CNNM2: variants seen among roughly 807,000 people sequenced by gnomAD.
CNNM2 encodes the protein cyclin and CBS domain divalent metal cation transport mediator 2.
A neutral mutation model predicts 66.9 loss-of-function variants in CNNM2; 12 were observed. The ratio of observed to expected loss-of-function variants is 0.18; its 90% CI spans 0.11 to 0.29. The LOEUF (loss-of-function observed/expected upper bound fraction) is 0.29, where lower values mean the gene tolerates loss of function less well. CNNM2 is among the 10% of genes least tolerant of loss of function. CNNM2 has a pLI of 1.00. For missense variants in CNNM2, 705 were observed against 1,167.7 expected (o/e 0.60, Z 5.77); for synonymous variants, 557 against 501.8 (o/e 1.11, Z -1.47).
At chr10:102,956,300 A>AAAAAAAAAGTCAG (rs1554891925) in intron 1 of CNNM2, among the ~76,000 whole-genome samples, 15 of 151,418 alleles carry the variant, frequency 9.9e-5, no homozygotes, top group Non-Finnish European at 2.1e-4. Context: ...AAAAAAAAAA[A>AAAAAAAAAGTCAG]AAAAAAAAGT....
At chr10:102,927,209 C>A (rs555861833) in intron 1 of CNNM2, 2 of 1,110,924 alleles carry the variant, frequency 1.8e-6, no homozygotes, top group East Asian at 5.1e-5. Context: ...ATGTTATTGA[C>A]AGTAAACTTT....
rs2065305199 is a variant in CNNM2 at position 103,056,945 on chromosome 10, A to T, written c.2054A>T (p.Tyr685Phe). ...YLYQRNKPVD[Y>F]FVLILQGKVE... is the part of the protein sequence containing the mutation. ...TACCAGCGCAACAAGCCAGTAGACT[A>T]CTTCGTTCTCATTCTGCAGGTCAGA... The change falls in exon 4 of 8, where the codon TAC (tyrosine) becomes TTC (phenylalanine). Residue 685 changes from tyrosine to phenylalanine, a missense_variant. Tyr to Phe is a conservative substitution (Grantham distance 22, BLOSUM62 3). Around this residue, in one of 9 missense-constraint regions of CNNM2, gnomAD observed 171 missense variants for 304.8 expected, o/e 0.56. Transcript: ENST00000369878. 1 of 1,611,218 alleles carries T rather than the reference A, an allele frequency of 6.2e-7. No homozygotes were observed. The highest frequency in any genetic ancestry group is 1.3e-5 in the African/African-American group (1 of 74,720).
In CNNM2 at chr10:103,079,335, G is replaced by A. The variant is rs1015550523; in HGVS notation, c.*2155G>A. ...GTGCTGGCCTTCCCTGAGCTGTGGGGAGCCAAGCCTGCCTAGCCCAGCTTC... is the reference window on the plus strand; with the variant it reads ...GTGCTGGCCTTCCCTGAGCTGTGGGAAGCCAAGCCTGCCTAGCCCAGCTTC... On this transcript the variant is annotated 3_prime_UTR_variant, in exon 8 of 8. Transcript: ENST00000369878. The A allele has an allele frequency of 1.3e-5, 2 of 152,310 alleles. No individual in the cohort carries two copies. Among genetic ancestry groups the A allele is most frequent in the African/African-American group, 4.8e-5 (2 of 41,448 alleles). The allele number at this position is 152,310 out of a possible 1,614,324, so 9.4% of individuals were successfully genotyped here.
chr10:103,034,316 G>GT lies in CNNM2; in HGVS notation c.1622-15379dup, dbSNP rs36150058. On this transcript the variant is annotated intron_variant, in intron 1 of 7. Transcript: ENST00000369878. ...AAAGGGGTTAAGGTCTGTCTTTCTT[G>GT]TTTTTTTTTTTTGGTTTTAAAAACA... 3.8e-3 allele frequency among the ~76,000 whole-genome samples: 546 copies of GT among 141,890 alleles called. 5 individuals carry two copies. Among genetic ancestry groups the GT allele is most frequent in the Middle Eastern group, 7.5e-3 (2 of 266 alleles). 93.1% of individuals were successfully genotyped at this position (141,890 alleles called of 152,430 possible). A position where few individuals can be genotyped will look rare whatever the true frequency, so the allele number is the denominator to read the frequency against.
At chr10:103,005,994 T>A (rs2064219056) in intron 1 of CNNM2, among the ~76,000 whole-genome samples, 1 of 152,074 alleles carries the variant, frequency 6.6e-6, no homozygotes, top group Non-Finnish European at 1.5e-5. Context: ...TTCTCTTGGA[T>A]TTTCTTTGTG....
At chr10:102,940,699 T>C (rs1159636815) in intron 1 of CNNM2, among the ~76,000 whole-genome samples, 1 of 150,828 alleles carries the variant, frequency 6.6e-6, no homozygotes, top group African/African-American at 2.4e-5. Flanking sequence ...ATTACAGGTG[T>C]GAGCCACCGC....
At chr10:102,965,934 A>G (rs1351567424) in intron 1 of CNNM2, among the ~76,000 whole-genome samples, 9 of 152,162 alleles carry the variant, frequency 5.9e-5, no homozygotes, top group Admixed American at 5.9e-4. Flanking sequence ...AGGGGAAAAA[A>G]AAAATAGGGT....
chr10:103,057,092 AT>A (rs1468689777), intron 4 of CNNM2, 128 bp downstream of exon 4: 3 of 829,326 alleles, frequency 3.6e-6, no homozygotes, highest in Non-Finnish European at 5.7e-6. Flanking sequence ...ACATGGGAGA[AT>A]TTTATCTTCC....
chr10:103,049,093 G>A (rs144412290), intron 1 of CNNM2, among the ~76,000 whole-genome samples: 2 of 152,058 alleles, frequency 1.3e-5, no homozygotes, highest in African/African-American at 4.8e-5. Context: ...TGGTCTTCCC[G>A]CCCGGGCCTC....
intron 1 of CNNM2, among the ~76,000 whole-genome samples, chr10:103,007,932 G>A (rs962526566): frequency 1.3e-5 from 2 of 152,216 alleles, no homozygotes; most frequent in Admixed American, 6.5e-5. Flanking sequence ...GTATTAAAAT[G>A]AAATCTTCAC....
chr10:102,967,053 C>T (rs1443356536), intron 1 of CNNM2, among the ~76,000 whole-genome samples: 1 of 152,142 alleles, frequency 6.6e-6, no homozygotes, highest in Non-Finnish European at 1.5e-5. Flanking sequence ...CTCAGAGGAT[C>T]CTCCCATGTC....
chr10:102,922,625 C>T (rs975424187), intron 1 of CNNM2, among the ~76,000 whole-genome samples: 4 of 152,164 alleles, frequency 2.6e-5, no homozygotes, highest in African/African-American at 7.2e-5. Flanking sequence ...CCAGTTAGAT[C>T]ATAGATCCAG....
chr10:103,028,440 CAG>C (rs1317804220), intron 1 of CNNM2, among the ~76,000 whole-genome samples: 16 of 152,296 alleles, frequency 1.1e-4, no homozygotes, highest in Admixed American at 3.9e-4. Flanking sequence ...TCAAGCACAA[CAG>C]AGGAAGGAGC....
intron 1 of CNNM2, among the ~76,000 whole-genome samples, chr10:103,043,425 C>T (rs943926551): frequency 6.6e-6 from 1 of 152,190 alleles, no homozygotes; most frequent in African/African-American, 2.4e-5. Context: ...TCCATATTTT[C>T]ATCTGGCCGT....
intron 1 of CNNM2, among the ~76,000 whole-genome samples, chr10:102,922,180 T>C (rs1845667165): frequency 6.6e-6 from 1 of 152,246 alleles, no homozygotes; most frequent in Non-Finnish European, 1.5e-5. Context: ...GTTAAAGGCA[T>C]ACATTCAAGC....
intron 1 of CNNM2, among the ~76,000 whole-genome samples, chr10:103,045,740 A>G (rs1189744219): frequency 1.3e-5 from 2 of 152,162 alleles, no homozygotes; most frequent in African/African-American, 4.8e-5. Context: ...GGGAAAACCA[A>G]TATTGTTGTT....
chr10:103,024,946 C>T (rs1016058912), intron 1 of CNNM2, among the ~76,000 whole-genome samples: 2 of 152,246 alleles, frequency 1.3e-5, no homozygotes, highest in African/African-American at 4.8e-5. Flanking sequence ...ACACCTTCAT[C>T]AGTAATACTT....
At chr10:102,943,383 T>A (rs942532131) in intron 1 of CNNM2, among the ~76,000 whole-genome samples, 1 of 151,606 alleles carries the variant, frequency 6.6e-6, no homozygotes, top group South Asian at 2.1e-4. Flanking sequence ...TACATTATGA[T>A]CTCACCTCTG....
At chr10:103,029,028 G>C (rs554434328) in intron 1 of CNNM2, among the ~76,000 whole-genome samples, 1 of 151,402 alleles carries the variant, frequency 6.6e-6, no homozygotes, top group Non-Finnish European at 1.5e-5. Context: ...CACCATGTTG[G>C]CCAGGCTGGT....
Sources: allele counts gnomAD v4.1 joint callset (sites outside exome capture counted in the v4.1 genomes callset), GRCh38; gene constraint gnomAD v4.1.1; regional missense constraint gnomAD v4.1.1; transcripts MANE v1.5; gene names NCBI Gene and HGNC (gene_info 2026-07-23, HGNC 2026-07-21).